Variants in HNRNPUL1 observed in about 807,000 individuals in gnomAD.
HNRNPUL1 encodes heterogeneous nuclear ribonucleoprotein U-like protein 1.
HNRNPUL1 carries 14 observed loss-of-function variants against 108.5 expected under a neutral mutation model. The ratio of observed to expected loss-of-function variants is 0.13; its 90% CI spans 0.09 to 0.20. HNRNPUL1 has a LOEUF of 0.20. HNRNPUL1 is among the 10% of genes least tolerant of loss of function. HNRNPUL1 has a pLI of 1.00. For synonymous variants in HNRNPUL1, 422 were observed against 445.2 expected (o/e 0.95, Z 0.66); for missense variants, 804 against 1,168.3 (o/e 0.69, Z 4.55).
Position 41,265,184 on chromosome 19 carries a change from G to A in HNRNPUL1, c.295+386G>A, listed in dbSNP as rs2034746326. On this transcript the variant is annotated intron_variant, in intron 1 of 14. Coordinates refer to ENST00000392006, the MANE Select transcript of HNRNPUL1 (RefSeq NM_007040.6). ...GATCCTAGGGTACGGAGCTCCGTGG[G>A]CTTGGCGGTCGTGCTAGCCCAGCGT... The A allele has an allele frequency of 2.0e-6, 3 of 1,474,874 alleles. No homozygotes were observed. In the Admixed American group the frequency reaches 7.1e-5, roughly 35 times the overall value. The allele number at this position is 1,474,874 out of a possible 1,614,324, so 91.4% of individuals were successfully genotyped here.
intron 6 of HNRNPUL1, among the ~76,000 whole-genome samples, chr19:41,280,241 A>T (rs186992518): frequency 6.6e-6 from 1 of 152,314 alleles, no homozygotes; most frequent in African/African-American, 2.4e-5. Context: ...GTGGAGGAGG[A>T]TGAGAAATTG....
Position 41,294,710 on chromosome 19 carries a change from C to A in HNRNPUL1, c.1518+24C>A. The A allele has an allele frequency of 6.2e-7, 1 of 1,613,634 alleles. No homozygotes were observed. Among genetic ancestry groups the A allele is most frequent in the South Asian group, 1.1e-5 (1 of 90,916 alleles). The stretch of plus-strand genomic sequence containing the variant: ...AGGTACTTAATGATGACCATTGTGT[C>A]CTCAGGAGAAGGGAGGGGACCCCTT... On this transcript the variant is annotated intron_variant, in intron 10 of 14. Transcript: ENST00000392006. The surrounding 1 kb of genome is among the most constrained non-coding windows in gnomAD (Gnocchi z 4.3).
intron 10 of HNRNPUL1, among the ~76,000 whole-genome samples, chr19:41,300,792 A>G (rs1010621006): frequency 1.3e-5 from 2 of 152,260 alleles, no homozygotes; most frequent in Non-Finnish European, 2.9e-5. Flanking sequence ...CATTAGGAGC[A>G]AAACTGCACT....
chr19:41,282,941 G>A (rs1381685549), intron 7 of HNRNPUL1, among the ~76,000 whole-genome samples: 3 of 151,802 alleles, frequency 2.0e-5, no homozygotes, highest in South Asian at 2.1e-4. Flanking sequence ...TGATCCGCCC[G>A]CCTCGGCCTC....
intron 1 of HNRNPUL1, among the ~76,000 whole-genome samples, chr19:41,267,040 C>T (rs1189653192): frequency 6.6e-6 from 1 of 152,166 alleles, no homozygotes; most frequent in African/African-American, 2.4e-5. Flanking sequence ...TGCTTTGGAG[C>T]GTAGACTCTA....
intron 7 of HNRNPUL1, among the ~76,000 whole-genome samples, chr19:41,287,110 G>C (rs2036280625): frequency 6.6e-6 from 1 of 151,940 alleles, no homozygotes; most frequent in Admixed American, 6.6e-5. Context: ...CTGCCTCCCA[G>C]GTTCAAGTGA....
At position 41,292,637 on chromosome 19, in the gene HNRNPUL1, C is replaced by A; in HGVS notation, c.1266+126C>A. 1.7e-6 allele frequency: 2 copies of A among 1,198,544 alleles called. No individual in the cohort carries two copies. Among genetic ancestry groups the A allele is most frequent in the East Asian group, 2.4e-5 (1 of 42,036 alleles). 74.2% of individuals were successfully genotyped at this position (1,198,544 alleles called of 1,614,324 possible). A position where few individuals can be genotyped will look rare whatever the true frequency, so the allele number is the denominator to read the frequency against. On this transcript the variant is annotated intron_variant, in intron 8 of 14. Transcript: ENST00000392006. The surrounding 1 kb of genome is among the most constrained non-coding windows in gnomAD (Gnocchi z 4.1). ...GCAAGTGGCCACTTTGTCCCAGCTC[C>A]TCAGGGTTGGACTCAGAGCTGAAAA...
chr19:41,297,590 G>C (rs565937462), intron 10 of HNRNPUL1, among the ~76,000 whole-genome samples: 1 of 152,180 alleles, frequency 6.6e-6, no homozygotes, highest in Non-Finnish European at 1.5e-5. Flanking sequence ...GAACTGACTG[G>C]CCTGCTGTGA....
In HNRNPUL1 at chr19:41,306,464, A is replaced by G; in HGVS notation, c.2470A>G (p.Asn824Asp). ...NQYQQYAQQWNQYYQNQGQWP... is the reference protein window; with the variant it reads ...NQYQQYAQQWDQYYQNQGQWP... ...CTTTCCCCAGTATGCCCAGCAGTGG[A>G]ACCAGTACTATCAGAACCAGGGCCA... Residue 824 changes from asparagine (N) to aspartate (D), a missense_variant, in exon 15 of 15, where the codon AAC becomes GAC. Physicochemically the swap from Asn to Asp is conservative, Grantham distance 23 (BLOSUM62 1). Around this residue, in one of 4 missense-constraint regions of HNRNPUL1, gnomAD observed 294 missense variants for 388.3 expected, o/e 0.76. Coordinates refer to ENST00000392006, the MANE Select transcript of HNRNPUL1 (RefSeq NM_007040.6). The G allele has an allele frequency of 6.3e-7, 1 of 1,592,676 alleles. No individual in the cohort carries two copies. Among genetic ancestry groups the G allele is most frequent in the Non-Finnish European group, 8.5e-7 (1 of 1,171,582 alleles).
chr19:41,268,234 A>T lies in HNRNPUL1; in HGVS notation c.307A>T (p.Asn103Tyr). 1 of 1,613,760 alleles carries T rather than the reference A, an allele frequency of 6.2e-7. No individual in the cohort carries two copies. Among genetic ancestry groups the T allele is most frequent in the Non-Finnish European group, 8.5e-7 (1 of 1,179,854 alleles). Residue 103 changes from asparagine (N) to tyrosine (Y), a missense_variant, in exon 2 of 15, where the codon AAT becomes TAT. Around this residue, in one of 4 missense-constraint regions of HNRNPUL1, gnomAD observed 256 missense variants for 261.6 expected, o/e 0.98. Coordinates refer to ENST00000392006, the MANE Select transcript of HNRNPUL1 (RefSeq NM_007040.6). ...SGPDGHYAMD[N>Y]ITRQNQFYDT... Reference sequence around the variant, plus strand: ...AATTTTGTTTTAAGATGCCATGGACAATATTACCAGGCAGAACCAATTCTA... The same window carrying T: ...AATTTTGTTTTAAGATGCCATGGACTATATTACCAGGCAGAACCAATTCTA...
chr19:41,285,447 C>T (rs563772257), intron 7 of HNRNPUL1, among the ~76,000 whole-genome samples: 4 of 152,152 alleles, frequency 2.6e-5, no homozygotes, highest in South Asian at 2.1e-4. Context: ...TCAAGCAATC[C>T]GCCCTCCTTG....
intron 7 of HNRNPUL1, chr19:41,291,994 C>CAA (rs397965810): frequency 2.4e-3 from 581 of 246,012 alleles, no homozygotes; most frequent in Middle Eastern, 8.6e-3. Context: ...AAAAAAAAAA[C>CAA]AAAAAAAAAA....
chr19:41,265,583 G>T (rs906723010), intron 1 of HNRNPUL1, among the ~76,000 whole-genome samples: 2 of 152,156 alleles, frequency 1.3e-5, no homozygotes, highest in African/African-American at 2.4e-5. Flanking sequence ...GGTATAGGGA[G>T]CCCTGGTGTC....
chr19:41,306,451 T>C lies in HNRNPUL1; in HGVS notation c.2457T>C (p.Tyr819=), dbSNP rs779496882. 2 of 1,575,112 alleles carry C rather than the reference T, an allele frequency of 1.3e-6. No individual in the cohort carries two copies. The highest frequency in any genetic ancestry group is 1.7e-6 in the Non-Finnish European group (2 of 1,163,400). Reference sequence around the variant, plus strand: ...GTGTTCTTGGTTTCTTTCCCCAGTATGCCCAGCAGTGGAACCAGTACTATC... The same window carrying C: ...GTGTTCTTGGTTTCTTTCCCCAGTACGCCCAGCAGTGGAACCAGTACTATC... The part of the protein sequence containing the change: ...PQPSYNQYQQ[Y]AQQWNQYYQN... Residue 819 remains tyrosine (Y), a splice_region_variant and synonymous_variant, in exon 15 of 15, where the codon TAT becomes TAC. Transcript: ENST00000392006.
intron 7 of HNRNPUL1, among the ~76,000 whole-genome samples, chr19:41,281,953 G>T (rs940329156): frequency 6.6e-6 from 1 of 152,150 alleles, no homozygotes; most frequent in Non-Finnish European, 1.5e-5. Context: ...AATTTTGTGT[G>T]GAGTCATTAA....
At chr19:41,268,196 A>C in intron 1 of HNRNPUL1, 27 bp from the exon 2 acceptor site, 1 of 1,610,222 alleles carries the variant, frequency 6.2e-7, no homozygotes, top group Non-Finnish European at 8.5e-7. Context: ...CGCCCCTCTA[A>C]TTGGCCATTT....
At chr19:41,266,122 G>A (rs994989777) in intron 1 of HNRNPUL1, among the ~76,000 whole-genome samples, 1 of 152,076 alleles carries the variant, frequency 6.6e-6, no homozygotes, top group African/African-American at 2.4e-5. Context: ...GGGACGGCGT[G>A]AATCTTCAGT....
intron 1 of HNRNPUL1, among the ~76,000 whole-genome samples, chr19:41,266,678 G>A (rs751812604): frequency 6.6e-6 from 1 of 152,132 alleles, no homozygotes; most frequent in Admixed American, 6.6e-5. Context: ...AGAGTTTGTG[G>A]AGTTTTTCTG....
Position 41,277,037 on chromosome 19 carries a change from C to T in HNRNPUL1, c.786+739C>T, listed in dbSNP as rs542043735. The stretch of plus-strand genomic sequence containing the variant: ...GCTTGAACCCAAGAGGCAGAGGTTG[C>T]AGTGAGCCGAGATCACGCCACTGCA... On this transcript the variant is annotated intron_variant, in intron 5 of 14. Transcript: ENST00000392006. 4.2e-4 allele frequency among the ~76,000 whole-genome samples: 63 copies of T among 148,758 alleles called. 1 individual carries two copies. The highest frequency in any genetic ancestry group is 9.4e-4 in the Admixed American group (14 of 14,890).
Sources: gnomAD v4.1 joint callset for allele counts (sites outside exome capture counted in the v4.1 genomes callset) on GRCh38, gnomAD v4.1.1 for gene constraint, gnomAD v4.1.1 regional missense constraint, Gnocchi (gnomAD v3.1) non-coding constraint, MANE v1.5 for transcripts, NCBI Gene and HGNC (gene_info 2026-07-23, HGNC 2026-07-21) for gene names.